Variants in MAPK10 observed in about 807,000 individuals in gnomAD.
MAPK10 encodes mitogen-activated protein kinase 10.
In MAPK10, 25 loss-of-function variants were observed where a neutral mutation model predicts 59.3. The ratio of observed to expected loss-of-function variants is 0.42; its 90% CI spans 0.31 to 0.59. MAPK10 has a LOEUF of 0.59. Ranked by LOEUF, MAPK10 falls within the 20% of genes least tolerant of loss-of-function variation. The pLI, the probability that MAPK10 is intolerant of heterozygous loss-of-function variation, is 0.15. For synonymous variants in MAPK10, 190 were observed against 200.5 expected, an observed-to-expected ratio of 0.95 and a Z score of 0.44; for missense variants, 351 against 568.9, an observed-to-expected ratio of 0.62 and a Z score of 3.90.
At chr4:86,430,336 G>T (rs968073599) in intron 1 of MAPK10, among the ~76,000 whole-genome samples, 2 of 152,088 alleles carry the variant, frequency 1.3e-5, no homozygotes, top group African/African-American at 4.8e-5. Context: ...GAATTCATTG[G>T]CACGGTACTA....
At chr4:86,318,412 C>T (rs1311281326) in intron 2 of MAPK10, among the ~76,000 whole-genome samples, 2 of 152,116 alleles carry the variant, frequency 1.3e-5, no homozygotes, top group Non-Finnish European at 2.9e-5. Context: ...GAGAAAGTTT[C>T]AAATTTTGAA....
intron 2 of MAPK10, among the ~76,000 whole-genome samples, chr4:86,239,321 G>A (rs554337244): frequency 2.0e-5 from 3 of 152,126 alleles, no homozygotes; most frequent in Non-Finnish European, 4.4e-5. Context: ...TTGTGATGGT[G>A]TCTTTTACAG....
At chr4:86,407,105 G>T (rs574422911) in intron 1 of MAPK10, among the ~76,000 whole-genome samples, 1 of 152,098 alleles carries the variant, frequency 6.6e-6, no homozygotes, top group African/African-American at 2.4e-5. Flanking sequence ...GCCATACAAG[G>T]TCATTCTAAG....
intron 2 of MAPK10, among the ~76,000 whole-genome samples, chr4:86,294,503 C>T (rs1327209631): frequency 6.6e-6 from 1 of 151,516 alleles, no homozygotes; most frequent in African/African-American, 2.4e-5. Context: ...GGATTAACAG[C>T]CCAGAGAATT....
chr4:86,077,324 A>C (rs2049702877), intron 9 of MAPK10, among the ~76,000 whole-genome samples: 1 of 152,202 alleles, frequency 6.6e-6, no homozygotes, highest in South Asian at 2.1e-4. Context: ...CTCTTACTTT[A>C]GCTTCCTTTG....
rs138777226 is a variant in MAPK10 at position 86,561,019 on chromosome 4, T to C, written c.-263+32891A>G. Among the ~76,000 whole-genome samples, 223 of 152,346 alleles carry C rather than the reference T, an allele frequency of 1.5e-3. 2 individuals are homozygous for C. The highest frequency in any genetic ancestry group is 5.1e-3 in the African/African-American group (211 of 41,582). On this transcript the variant is annotated intron_variant, in intron 1 of 4. Transcript: ENST00000502302. ...TTTTTGGCACCAGGGACCAGTTTTGTGGAAAACAATTTTTTCCATGAATGC... is the reference window on the plus strand; with the variant it reads ...TTTTTGGCACCAGGGACCAGTTTTGCGGAAAACAATTTTTTCCATGAATGC...
At chr4:86,387,186 G>A (rs1401907274) in intron 1 of MAPK10, among the ~76,000 whole-genome samples, 1 of 152,156 alleles carries the variant, frequency 6.6e-6, no homozygotes, top group African/African-American at 2.4e-5. Context: ...ACAGGGAGCT[G>A]GTCACGTTAC....
intron 2 of MAPK10, among the ~76,000 whole-genome samples, chr4:86,291,425 G>A (rs2095223828): frequency 6.6e-6 from 1 of 152,176 alleles, no homozygotes; most frequent in Admixed American, 6.6e-5. Flanking sequence ...ACTATACAAT[G>A]TTCTGATAAA....
chr4:86,359,501 C>A (rs1046511475), intron 1 of MAPK10, among the ~76,000 whole-genome samples, 157 bp downstream of exon 1: 1 of 152,002 alleles, frequency 6.6e-6, no homozygotes, highest in African/African-American at 2.4e-5. Flanking sequence ...CTGGTAGCTT[C>A]TTGCTTCAAA....
chr4:86,040,962 G>T (rs1389529884), intron 11 of MAPK10: 1 of 152,020 alleles, frequency 6.6e-6, no homozygotes, highest in Non-Finnish European at 1.5e-5. Context: ...CTCACAAGAA[G>T]ATGCTTAAGA....
chr4:86,090,001 G>T (rs1024694437), intron 9 of MAPK10, among the ~76,000 whole-genome samples: 5 of 152,084 alleles, frequency 3.3e-5, no homozygotes, highest in African/African-American at 1.2e-4. Context: ...TGAATCAAAA[G>T]AAACCTGGAA....
intron 4 of MAPK10, among the ~76,000 whole-genome samples, chr4:86,156,131 G>C (rs971856054): frequency 6.6e-6 from 1 of 151,920 alleles, no homozygotes; most frequent in East Asian, 1.9e-4. Context: ...ACCACAGAAA[G>C]CTAAACCACA....
chr4:86,416,068 G>T (rs1055008794), intron 1 of MAPK10, among the ~76,000 whole-genome samples: 3 of 152,280 alleles, frequency 2.0e-5, no homozygotes, highest in South Asian at 4.1e-4. Flanking sequence ...AAGCCCTAAA[G>T]TCCCAGTATG....
At chr4:86,575,395 TTC>T (rs1166250138) in intron 1 of MAPK10, among the ~76,000 whole-genome samples, 1 of 152,118 alleles carries the variant, frequency 6.6e-6, no homozygotes, top group Non-Finnish European at 1.5e-5. Context: ...ATCCTATTGG[TTC>T]TGTTTCTCTG....
chr4:86,050,837 T>A (rs1227343216), intron 11 of MAPK10, among the ~76,000 whole-genome samples: 2 of 152,098 alleles, frequency 1.3e-5, no homozygotes, highest in Non-Finnish European at 2.9e-5. Context: ...GGCATATATG[T>A]CCTGAAAGAA....
chr4:86,116,997 C>T (rs2149103187), intron 4 of MAPK10, among the ~76,000 whole-genome samples: 1 of 152,356 alleles, frequency 6.6e-6, no homozygotes, highest in East Asian at 1.9e-4. Flanking sequence ...GTTCTTTAGT[C>T]TTTCTGCTAA....
intron 3 of MAPK10, 24 bp downstream of exon 3, chr4:86,194,312 G>C (rs1266680564): frequency 1.3e-6 from 2 of 1,593,388 alleles, no homozygotes; most frequent in South Asian, 2.2e-5. Context: ...ACTGTACCTT[G>C]TTTTACCTGT....
intron 2 of MAPK10, among the ~76,000 whole-genome samples, chr4:86,320,499 T>A (rs1012544292): frequency 2.6e-5 from 4 of 152,204 alleles, no homozygotes; most frequent in African/African-American, 9.6e-5. Flanking sequence ...GACTTAGAAC[T>A]TTGGATAATA....
intron 1 of MAPK10, among the ~76,000 whole-genome samples, chr4:86,528,899 C>T (rs553191471): frequency 4.6e-5 from 7 of 152,306 alleles, no homozygotes; most frequent in Admixed American, 6.5e-5. Flanking sequence ...CATAACTCTA[C>T]ATGTCCCATT....
Sources: allele counts gnomAD v4.1 joint callset (sites outside exome capture counted in the v4.1 genomes callset), GRCh38; gene constraint gnomAD v4.1.1; transcripts MANE v1.5; gene names NCBI Gene and HGNC (gene_info 2026-07-23, HGNC 2026-07-21).